Variants in RBFOX1 observed in about 807,000 individuals in gnomAD.
The protein encoded by RBFOX1 is RNA binding fox-1 homolog 1, also known as RNA binding protein fox-1 homolog 1.
A neutral mutation model predicts 57.7 loss-of-function variants in RBFOX1; 8 were observed. That is an observed-to-expected ratio of 0.14 (90% CI 0.08 to 0.25). The LOEUF (loss-of-function observed/expected upper bound fraction) is 0.25. RBFOX1 is among the 10% of genes least tolerant of loss of function. RBFOX1 has a pLI of 1.00. For synonymous variants in RBFOX1, 326 were observed against 222.4 expected, an observed-to-expected ratio of 1.47 and a Z score of -4.15; for missense variants, 611 against 548.5, an observed-to-expected ratio of 1.11 and a Z score of -1.14.
At chr16:5,809,396 A>G (rs1321638118) in intron 3 of RBFOX1, among the ~76,000 whole-genome samples, 1 of 151,740 alleles carries the variant, frequency 6.6e-6, no homozygotes, top group African/African-American at 2.4e-5. Flanking sequence ...AGCCTACACA[A>G]TGGGAGAAAA....
intron 4 of RBFOX1, among the ~76,000 whole-genome samples, chr16:5,977,413 T>A (rs533383683): frequency 6.6e-6 from 1 of 152,104 alleles, no homozygotes. Flanking sequence ...CTACGATCCC[T>A]GGTAATGCTC....
At chr16:5,308,802 C>G (rs1159978297) in intron 1 of RBFOX1, among the ~76,000 whole-genome samples, 2 of 151,530 alleles carry the variant, frequency 1.3e-5, no homozygotes, top group Non-Finnish European at 2.9e-5. Context: ...AAGTTTTCCT[C>G]TCTTGTGTCT....
intron 4 of RBFOX1, among the ~76,000 whole-genome samples, chr16:7,466,692 G>T (rs1256641244): frequency 1.3e-5 from 2 of 152,214 alleles, no homozygotes; most frequent in African/African-American, 4.8e-5. Context: ...AATGGCAACA[G>T]TGACGCTTAC....
intron 3 of RBFOX1, among the ~76,000 whole-genome samples, chr16:7,010,837 A>C (rs1266034797): frequency 6.6e-6 from 1 of 152,162 alleles, no homozygotes; most frequent in Non-Finnish European, 1.5e-5. Flanking sequence ...TCCGCCTCCC[A>C]AAGTGCTGGG....
chr16:6,919,737 CCAGGAGGCTGAGTGACCTGGCTAA>C (rs2074038562), intron 3 of RBFOX1, among the ~76,000 whole-genome samples: 1 of 150,026 alleles, frequency 6.7e-6, no homozygotes, highest in African/African-American at 2.5e-5. Context: ...AGAAAAATTT[CCAGGAGGCTGAGTGACCTGGCTAA>C]GATCATTCTT....
intron 3 of RBFOX1, among the ~76,000 whole-genome samples, chr16:6,821,039 A>T (rs753078969): frequency 7.2e-5 from 11 of 152,214 alleles, no homozygotes; most frequent in Non-Finnish European, 1.3e-4. Flanking sequence ...AACCCTACAA[A>T]ACAGATTCCT....
intron 3 of RBFOX1, among the ~76,000 whole-genome samples, chr16:6,919,889 G>A (rs1410435208): frequency 6.6e-6 from 1 of 151,140 alleles, no homozygotes; most frequent in Non-Finnish European, 1.5e-5. Flanking sequence ...CATCACCTGA[G>A]CAGTGTACAC....
chr16:7,157,841 A>C (rs2077461144), intron 4 of RBFOX1, among the ~76,000 whole-genome samples: 2 of 152,222 alleles, frequency 1.3e-5, no homozygotes, highest in Admixed American at 6.5e-5. Flanking sequence ...AAAATCTGAT[A>C]GTCTACTTCA....
chr16:7,489,854 G>C (rs140300448), intron 4 of RBFOX1, among the ~76,000 whole-genome samples: 17 of 151,810 alleles, frequency 1.1e-4, no homozygotes, highest in African/African-American at 3.6e-4. Context: ...CCACACTTTC[G>C]CACACCAAGA....
At chr16:6,943,412 G>A (rs983063944) in intron 3 of RBFOX1, among the ~76,000 whole-genome samples, 3 of 152,140 alleles carry the variant, frequency 2.0e-5, no homozygotes, top group Non-Finnish European at 4.4e-5. Flanking sequence ...TCTAACTTAA[G>A]AGTATGGGCC....
At chr16:6,464,827 C>T (rs2095005096) in intron 2 of RBFOX1, among the ~76,000 whole-genome samples, 1 of 152,170 alleles carries the variant, frequency 6.6e-6, no homozygotes, top group Non-Finnish European at 1.5e-5. Flanking sequence ...AATGTTTAAG[C>T]CAAGTTAACT....
chr16:5,908,711 TA>T (rs1251022576), intron 4 of RBFOX1, among the ~76,000 whole-genome samples: 2 of 152,092 alleles, frequency 1.3e-5, no homozygotes, highest in Non-Finnish European at 2.9e-5. Flanking sequence ...ATTCGATGCA[TA>T]TAAACTCGTG....
At chr16:6,957,773 G>C (rs539135996) in intron 3 of RBFOX1, among the ~76,000 whole-genome samples, 1 of 152,138 alleles carries the variant, frequency 6.6e-6, no homozygotes, top group Non-Finnish European at 1.5e-5. Context: ...ATCTGTGACT[G>C]TTGGGCTGGG....
At position 6,627,478 on chromosome 16, in the gene RBFOX1, G is replaced by C. The variant is rs550619737; in HGVS notation, c.-63-27125G>C. On this transcript the variant is annotated intron_variant, in intron 2 of 15. Transcript: ENST00000550418. ...TCTATGATGTTGATTGGGTGAGGAA[G>C]AATATTGGAAACTTGCTCCCTGAAA... 2.5e-4 allele frequency among the ~76,000 whole-genome samples: 38 copies of C among 152,252 alleles called. 1 individual carries two copies. The highest frequency in any genetic ancestry group is 9.1e-4 in the African/African-American group (38 of 41,558).
At chr16:5,332,438 A>G (rs2064781170) in intron 1 of RBFOX1, among the ~76,000 whole-genome samples, 1 of 151,296 alleles carries the variant, frequency 6.6e-6, no homozygotes, top group East Asian at 1.9e-4. Flanking sequence ...ATTTTTTTGT[A>G]TTTTTGGTAG....
At chr16:6,345,543 C>T (rs1028148124) in intron 2 of RBFOX1, among the ~76,000 whole-genome samples, 14 of 152,220 alleles carry the variant, frequency 9.2e-5, no homozygotes, top group African/African-American at 3.1e-4. Flanking sequence ...TATGGGAATC[C>T]CCACATCCAG....
chr16:7,410,561 A>G (rs1045605497), intron 4 of RBFOX1, among the ~76,000 whole-genome samples: 1 of 152,164 alleles, frequency 6.6e-6, no homozygotes, highest in African/African-American at 2.4e-5. Flanking sequence ...CGTGCCTGTA[A>G]TCCCAGTAAG....
chr16:5,521,151 C>T (rs1336740691), intron 2 of RBFOX1, among the ~76,000 whole-genome samples: 1 of 152,152 alleles, frequency 6.6e-6, no homozygotes, highest in African/African-American at 2.4e-5. Context: ...CTTTCCAACC[C>T]TTGCAGCTGA....
At chr16:5,365,480 C>T (rs904514088) in intron 1 of RBFOX1, among the ~76,000 whole-genome samples, 14 of 152,070 alleles carry the variant, frequency 9.2e-5, no homozygotes, top group African/African-American at 3.1e-4. Flanking sequence ...CCAGCCTGGC[C>T]AACCTGGTGA....
Sources: gnomAD v4.1 joint callset for allele counts (sites outside exome capture counted in the v4.1 genomes callset) on GRCh38, gnomAD v4.1.1 for gene constraint, MANE v1.5 for transcripts, NCBI Gene and HGNC (gene_info 2026-07-23, HGNC 2026-07-21) for gene names.